MYO16: variants seen among roughly 807,000 people sequenced by gnomAD.
MYO16 encodes the protein myosin XVI.
Under a neutral mutation model 205.3 loss-of-function variants are expected in MYO16, and 94 were observed. The observed-to-expected ratio is 0.46, with a 90% CI of 0.39 to 0.54. MYO16 has a LOEUF of 0.54. Ranked by LOEUF, MYO16 falls within the 20% of genes least tolerant of loss-of-function variation. MYO16 has a pLI of 0.00. For missense variants in MYO16, 2,315 were observed against 2,387.5 expected (o/e 0.97, Z 0.63); for synonymous variants, 988 against 954.0 (o/e 1.04, Z -0.66).
chr13:108,975,797 A>G (rs555821756), intron 20 of MYO16, among the ~76,000 whole-genome samples: 2 of 152,152 alleles, frequency 1.3e-5, no homozygotes, highest in African/African-American at 2.4e-5. Flanking sequence ...TCCACCCTCC[A>G]TGTGAAATGG....
chr13:108,778,159 G>T (rs1886183156), intron 4 of MYO16, among the ~76,000 whole-genome samples: 1 of 152,192 alleles, frequency 6.6e-6, no homozygotes, highest in South Asian at 2.1e-4. Flanking sequence ...GAAACAGGGG[G>T]TAGTTACGGT....
At chr13:108,587,622 T>A in the MYO16 span, among the ~76,000 whole-genome samples, 1 of 152,206 alleles carries the variant, frequency 6.6e-6, no homozygotes, top group Non-Finnish European at 1.5e-5. Flanking sequence ...GAGTATAGGA[T>A]GAAGTTAGCA....
intron 15 of MYO16, among the ~76,000 whole-genome samples, chr13:108,906,994 C>T (rs1881010935): frequency 1.3e-5 from 2 of 152,148 alleles, no homozygotes; most frequent in African/African-American, 2.4e-5. Flanking sequence ...TTTGGCTATC[C>T]GAATTCGTTG....
intron 4 of MYO16, among the ~76,000 whole-genome samples, chr13:108,755,227 G>C (rs950389247): frequency 3.3e-5 from 5 of 150,656 alleles, no homozygotes; most frequent in African/African-American, 1.2e-4. Context: ...AGAACAAGCA[G>C]AGAATATGTG....
intron 20 of MYO16, among the ~76,000 whole-genome samples, chr13:108,976,796 A>AT (rs1466795283): frequency 1.3e-5 from 2 of 152,120 alleles, no homozygotes; most frequent in Admixed American, 1.3e-4. Flanking sequence ...TTTATATGCT[A>AT]TCTTTTTTGG....
intron 7 of MYO16, among the ~76,000 whole-genome samples, chr13:108,819,765 T>G (rs1311456352): frequency 1.3e-5 from 2 of 152,214 alleles, no homozygotes; most frequent in Non-Finnish European, 2.9e-5. Flanking sequence ...TTTAGGTTCC[T>G]GCTGCCCATG....
intron 1 of MYO16, among the ~76,000 whole-genome samples, chr13:108,601,912 G>C (rs1214473364): frequency 3.9e-5 from 6 of 151,918 alleles, no homozygotes; most frequent in Admixed American, 3.9e-4. Flanking sequence ...AACCTGCTGT[G>C]GACTGAATGT....
At chr13:108,785,782 T>C in intron 5 of MYO16, 39 bp downstream of exon 5, 1 of 1,298,840 alleles carries the variant, frequency 7.7e-7, no homozygotes, top group Non-Finnish European at 1.1e-6. Context: ...AAAAATAGAT[T>C]GGGAGAATTG....
At chr13:108,881,089 G>A (rs1383015128) in intron 12 of MYO16, among the ~76,000 whole-genome samples, 1 of 152,172 alleles carries the variant, frequency 6.6e-6, no homozygotes, top group African/African-American at 2.4e-5. Flanking sequence ...CTGAGACGAA[G>A]CTTCCAGAGG....
intron 23 of MYO16, among the ~76,000 whole-genome samples, chr13:109,041,484 C>T (rs74805066): frequency 6.6e-6 from 1 of 152,238 alleles, no homozygotes; most frequent in Non-Finnish European, 1.5e-5. Flanking sequence ...GTCCTTAAAG[C>T]ATGTTACACA....
Position 109,048,347 on chromosome 13 carries a change from G to A in MYO16, c.2872+1356G>A, listed in dbSNP as rs763368322. Reference sequence around the variant, plus strand: ...TTTTTTTATTCTTTAGGAGGAAGGTGCTTCTGAGCAAAAGGACAGAATTTA... The same window carrying A: ...TTTTTTTATTCTTTAGGAGGAAGGTACTTCTGAGCAAAAGGACAGAATTTA... On this transcript the variant is annotated intron_variant, in intron 24 of 34. Transcript: ENST00000457511. The A allele has an allele frequency of 7.9e-6, 6 of 757,088 alleles. No individual in the cohort carries two copies. In the South Asian group the frequency reaches 8.6e-5, roughly 11 times the overall value. 46.9% of individuals were successfully genotyped at this position (757,088 alleles called of 1,614,324 possible).
chr13:108,945,341 A>G (rs1007602917), intron 16 of MYO16, among the ~76,000 whole-genome samples: 1 of 152,214 alleles, frequency 6.6e-6, no homozygotes, highest in South Asian at 2.1e-4. Context: ...ACCTGAAAGC[A>G]CAATTCATGG....
chr13:109,098,871 A>G (rs553692195), intron 27 of MYO16, among the ~76,000 whole-genome samples: 1 of 152,324 alleles, frequency 6.6e-6, no homozygotes, highest in South Asian at 2.1e-4. Context: ...TGCATAGAAT[A>G]AGAGAAAATA....
At chr13:108,699,437 T>A (rs567119574) in intron 2 of MYO16, among the ~76,000 whole-genome samples, 1 of 152,226 alleles carries the variant, frequency 6.6e-6, no homozygotes. Context: ...ATTTCTAAAA[T>A]TTGGCATAAA....
chr13:109,043,995 A>G (rs1267997506), intron 23 of MYO16, among the ~76,000 whole-genome samples: 2 of 152,154 alleles, frequency 1.3e-5, no homozygotes, highest in African/African-American at 4.8e-5. Context: ...TCAAGAGGTG[A>G]ATTGGGGAAC....
chr13:108,547,053 A>G, the MYO16 span, among the ~76,000 whole-genome samples: 1 of 152,070 alleles, frequency 6.6e-6, no homozygotes, highest in Admixed American at 6.5e-5. Context: ...TGGGTGGATC[A>G]CGAGGTCAGG....
At chr13:108,727,389 C>G (rs1884375998) in intron 3 of MYO16, 51 bp from the exon 4 acceptor site, 8 of 1,560,342 alleles carry the variant, frequency 5.1e-6, no homozygotes, top group African/African-American at 1.4e-5. Context: ...TTGGAATAAG[C>G]CATATCACAG....
At chr13:109,031,155 G>A (rs144633173) in intron 23 of MYO16, among the ~76,000 whole-genome samples, 20 of 152,156 alleles carry the variant, frequency 1.3e-4, no homozygotes, top group Non-Finnish European at 2.4e-4. Flanking sequence ...GCAACGGCGC[G>A]ATCTCGGCTC....
intron 21 of MYO16, among the ~76,000 whole-genome samples, chr13:108,997,408 GAGGAAAGGAAAGGAAAGGAA>G (rs71125358): frequency 7.1e-5 from 6 of 84,198 alleles, no homozygotes; most frequent in South Asian, 4.8e-4. Context: ...GGGAGAGTGG[GAGGAAAGGAAAGGAAAGGAA>G]AGGAAAGGAA....
Sources: allele counts gnomAD v4.1 joint callset (sites outside exome capture counted in the v4.1 genomes callset), GRCh38; gene constraint gnomAD v4.1.1; transcripts MANE v1.5; gene names NCBI Gene and HGNC (gene_info 2026-07-23, HGNC 2026-07-21).